The following LZTR1 variants were observed in gnomAD, a reference collection of about 807,000 sequenced individuals.
The protein encoded by LZTR1 is leucine zipper like post translational regulator 1.
LZTR1 carries 260 observed loss-of-function variants against 105.7 expected under a neutral mutation model. The ratio of observed to expected loss-of-function variants is 2.46; its 90% confidence interval spans 2.22 to 2.72. LZTR1 has a LOEUF of 2.72. Ranked by LOEUF, LZTR1 falls within the 30% of genes most tolerant of loss-of-function variation. The pLI is 0.00. For synonymous variants in LZTR1, 490 were observed against 476.4 expected, an observed-to-expected ratio of 1.03 and a Z score of -0.37; for missense variants, 1,214 against 1,166.9, an observed-to-expected ratio of 1.04 and a Z score of -0.59.
At chr22:20,991,589 C>T in intron 8 of LZTR1, 39 bp from the exon 9 acceptor site, 1 of 1,473,906 alleles carries the variant, frequency 6.8e-7, no homozygotes, top group Non-Finnish European at 9.1e-7. Context: ...TGAGCAGGAG[C>T]CCCTGTCCCA....
chr22:20,996,154 G>T (rs1271049814), intron 18 of LZTR1, 42 bp downstream of exon 18: 9 of 1,600,748 alleles, frequency 5.6e-6, no homozygotes, highest in Non-Finnish European at 6.8e-6. Context: ...CCCACCAAGG[G>T]GTCCTGGCAC....
Position 20,992,889 on chromosome 22 carries a change from GA to G in LZTR1, c.1246del (p.Met416CysfsTer45), listed in dbSNP as rs1924657058. ...TGGACAACAACATCCGCAGCGGGGA[GA>G]TGTACAGGTTCCAGGTGTGGGGCCT... Reference protein sequence around the residue: ...TVDNNIRSGEMYRFQFSCYPK... With the variant: ...TVDNNIRSGEXYRFQFSCYPK... On this transcript the variant is annotated frameshift_variant, in exon 11 of 21. Transcript: ENST00000646124. LOFTEE classifies it high-confidence loss of function. 6.2e-7 allele frequency: 1 copy of G among 1,603,630 alleles called. No homozygotes were observed. Among genetic ancestry groups the G allele is most frequent in the Non-Finnish European group, 8.5e-7 (1 of 1,174,312 alleles).
intron 6 of LZTR1, 101 bp downstream of exon 6, chr22:20,988,973 GCCTGGTGGATTTT>G: frequency 9.4e-7 from 1 of 1,058,672 alleles, no homozygotes; most frequent in Non-Finnish European, 1.4e-6. Flanking sequence ...GATTTTGAGT[GCCTGGTGGATTTT>G]GAGTGCCACT....
chr22:20,983,226 A>T, intron 2 of LZTR1, 137 bp downstream of exon 2: 3 of 749,742 alleles, frequency 4.0e-6, no homozygotes, highest in Non-Finnish European at 7.0e-6. Flanking sequence ...CATCTGTGAG[A>T]TTCCTTGCAC....
chr22:20,996,711 C>T lies in LZTR1; in HGVS notation c.2235C>T (p.Ala745=). 1 of 1,613,572 alleles carries T rather than the reference C, an allele frequency of 6.2e-7. No homozygotes were observed. Among genetic ancestry groups the T allele is most frequent in the Non-Finnish European group, 8.5e-7 (1 of 1,179,964 alleles). ...PPEDSLYLFA[A]PYYYGFYNNR... The stretch of plus-strand genomic sequence containing the variant: ...CAGGCCCCAGCTACTTGTTTGCGGC[C>T]CCCTACTACTACGGCTTCTACAACA... Residue 745 remains alanine (A), a synonymous_variant, in exon 19 of 21, where the codon GCC becomes GCT. Transcript: ENST00000646124.
Position 20,995,739 on chromosome 22 carries a change from C to T in LZTR1, c.1943-7C>T, listed in dbSNP as rs747201655. 2 of 1,613,400 alleles carry T rather than the reference C, an allele frequency of 1.2e-6. No individual in the cohort carries two copies. Among genetic ancestry groups the T allele is most frequent in the Admixed American group, 1.7e-5 (1 of 60,020 alleles). ...CTGTACCTGCTCAGGGACCCTCCTA[C>T]CCCCAGGCACATCTCTGATCCAGGA... On this transcript the variant is annotated splice_polypyrimidine_tract_variant and splice_region_variant and intron_variant, in intron 16 of 20. Coordinates refer to ENST00000646124, the MANE Select transcript of LZTR1 (RefSeq NM_006767.4).
In LZTR1 at chr22:20,995,962, G is replaced by A. The variant is rs748538968; in HGVS notation, c.2070-1G>A. On this transcript the variant is annotated splice_acceptor_variant, in intron 17 of 20. Coordinates refer to ENST00000646124, the MANE Select transcript of LZTR1 (RefSeq NM_006767.4). LOFTEE classifies it high-confidence loss of function. ...AGGTGCCTACCGCTCGTTGTCTGCA[G>A]CTACTTTGAAGCCATGTTCCGGTCC... The A allele has an allele frequency of 4.3e-6, 7 of 1,613,598 alleles. No individual in the cohort carries two copies. Among genetic ancestry groups the A allele is most frequent in the African/African-American group, 2.7e-5 (2 of 74,926 alleles).
In LZTR1 at chr22:20,996,792, C is replaced by T. The variant is rs140327903; in HGVS notation, c.2316C>T (p.Asn772=). ...QNLEMNVTVQ[N]VLQILEAADK... is the part of the protein sequence containing the mutation. ...TGGAGATGAACGTGACGGTGCAGAA[C>T]GTGCTGCAGGTAGCCCCCCAGCCCC... Residue 772 remains asparagine, a synonymous_variant, in exon 19 of 21, where the codon AAC becomes AAT. Coordinates refer to ENST00000646124, the MANE Select transcript of LZTR1 (RefSeq NM_006767.4). 194 of 1,613,614 alleles carry T rather than the reference C, an allele frequency of 1.2e-4. No homozygotes were observed. The African/African-American group carries it at 1.7e-3, about 14-fold the overall frequency.
chr22:20,998,722 G>GCAGGCC lies in LZTR1; in HGVS notation c.*1379_*1384dup, dbSNP rs1034407007. 1.3e-5 allele frequency: 2 copies of GCAGGCC among 152,696 alleles called. No homozygotes were observed. The highest frequency in any genetic ancestry group is 2.9e-5 in the Non-Finnish European group (2 of 68,378). 9.5% of individuals were successfully genotyped at this position (152,696 alleles called of 1,614,324 possible). ...GGGAGGCCCTTGAGGTGAGGACACAGCAGGCCCAGGACCATGGCTGGGGAG... is the reference window on the plus strand; with the variant it reads ...GGGAGGCCCTTGAGGTGAGGACACAGCAGGCCCAGGCCCAGGACCATGGCTGGGGAG... On this transcript the variant is annotated 3_prime_UTR_variant, in exon 21 of 21. Transcript: ENST00000646124.
At chr22:20,992,576 A>G in intron 10 of LZTR1, 1 of 664,234 alleles carries the variant, frequency 1.5e-6, no homozygotes. Context: ...AAGTGCCCTG[A>G]CCACTCTGAG....
chr22:20,989,681 A>T lies in LZTR1; in HGVS notation c.650A>T (p.Glu217Val), dbSNP rs755984510. ...GACCGAGAGCTCACCTGCTGGGAGGAGGTGAGGGGCGTGGGGAGCCAGGGC... is the reference window on the plus strand; with the variant it reads ...GACCGAGAGCTCACCTGCTGGGAGGTGGTGAGGGGCGTGGGGAGCCAGGGC... Reference protein sequence around the residue: ...LQDRELTCWEEVAQSGEIPPS... With the variant: ...LQDRELTCWEVVAQSGEIPPS... The change falls in exon 7 of 21, where the codon GAG (glutamate) becomes GTG (valine). Residue 217 changes from glutamate to valine, a missense_variant and splice_region_variant. Physicochemically the swap from Glu to Val is moderately radical, Grantham distance 121 (BLOSUM62 -2). Coordinates refer to ENST00000646124, the MANE Select transcript of LZTR1 (RefSeq NM_006767.4). 8.1e-6 allele frequency: 13 copies of T among 1,604,724 alleles called. No individual in the cohort carries two copies. Among genetic ancestry groups the T allele is most frequent in the Non-Finnish European group, 1.1e-5 (13 of 1,175,004 alleles).
chr22:20,983,650 C>T (rs1029774701), intron 2 of LZTR1, among the ~76,000 whole-genome samples: 5 of 152,174 alleles, frequency 3.3e-5, no homozygotes, highest in African/African-American at 4.8e-5. Context: ...CTCTCAGCCC[C>T]AGGAACTAGC....
At chr22:20,994,785 C>T (rs1308828486) in intron 15 of LZTR1, 58 bp downstream of exon 15, 1 of 1,607,282 alleles carries the variant, frequency 6.2e-7, no homozygotes, top group African/African-American at 1.3e-5. Flanking sequence ...GCTTAGGCCC[C>T]CTCCCTGCCC....
rs967576270 is a variant in LZTR1 at position 20,999,017 on chromosome 22, G to A, written c.*1669G>A. 2.0e-5 allele frequency: 3 copies of A among 152,166 alleles called. No individual in the cohort carries two copies. Among genetic ancestry groups the A allele is most frequent in the Non-Finnish European group, 4.4e-5 (3 of 68,038 alleles). 9.4% of individuals were successfully genotyped at this position (152,166 alleles called of 1,614,324 possible). A position where few individuals can be genotyped will look rare whatever the true frequency, so the allele number is the denominator to read the frequency against. On this transcript the variant is annotated 3_prime_UTR_variant, in exon 21 of 21. Coordinates refer to ENST00000646124, the MANE Select transcript of LZTR1 (RefSeq NM_006767.4). ...TGAATAAATGAAATTACATGCCAAG[G>A]GCCCTAAAAAGCAAATTTTACGAAA...
chr22:20,991,099 A>G, intron 8 of LZTR1: 1 of 162,718 alleles, frequency 6.1e-6, no homozygotes, highest in Non-Finnish European at 1.4e-5. Flanking sequence ...CAGATGGCAT[A>G]GCCCTGCCAG....
intron 8 of LZTR1, chr22:20,991,102 C>T (rs1192466187): frequency 6.1e-6 from 1 of 162,628 alleles, no homozygotes; most frequent in Non-Finnish European, 1.4e-5. Flanking sequence ...ATGGCATAGC[C>T]CTGCCAGGCC....
rs775119454 is a variant in LZTR1 at position 20,994,577 on chromosome 22, G to A, written c.1635G>A (p.Leu545=). 1 of 1,611,224 alleles carries A rather than the reference G, an allele frequency of 6.2e-7. No individual in the cohort carries two copies. Among genetic ancestry groups the A allele is most frequent in the South Asian group, 1.1e-5 (1 of 91,086 alleles). ...GCGCAGGCCATGTGGAGGATGTGCT[G>A]CTCATCATGGATGTGTACAAACTGG... ...YPRKGHVEDV[L]LIMDVYKLAL... The change falls in exon 15 of 21, where the codon CTG becomes CTA. Residue 545 remains leucine (L), a synonymous_variant. Transcript: ENST00000646124.
In LZTR1 at chr22:20,985,860, C is replaced by A. The variant is rs1924363065; in HGVS notation, c.283C>A (p.Leu95Ile). 1 of 1,614,060 alleles carries A rather than the reference C, an allele frequency of 6.2e-7. No individual in the cohort carries two copies. The highest frequency in any genetic ancestry group is 1.7e-5 in the Admixed American group (1 of 60,008). ...TTTCAGGAAGACCATGCTCAATGACCTCCTGCGGTTCGATGTGAAAGACTG... is the reference window on the plus strand; with the variant it reads ...TTTCAGGAAGACCATGCTCAATGACATCCTGCGGTTCGATGTGAAAGACTG... ...GDNGKTMLND[L>I]LRFDVKDCSW... The change falls in exon 3 of 21, where the codon CTC becomes ATC. Residue 95 changes from leucine to isoleucine, a missense_variant. Transcript: ENST00000646124.
rs1924920681 is a variant in LZTR1, at chr22:20,997,651, G to GA, written c.*304dup. On this transcript the variant is annotated 3_prime_UTR_variant, in exon 21 of 21. Transcript: ENST00000646124. ...GATGGGCTCACCACCCAGAAGTGGG[G>GA]AGAGACTTTGGGCCTCCCACCCAGT... 1 of 270,106 alleles carries GA rather than the reference G, an allele frequency of 3.7e-6. No homozygotes were observed. Among genetic ancestry groups the GA allele is most frequent in the Non-Finnish European group, 7.2e-6 (1 of 138,802 alleles). The allele number at this position is 270,106 out of a possible 1,614,324, so 16.7% of individuals were successfully genotyped here.
Sources: allele counts gnomAD v4.1 joint callset (sites outside exome capture counted in the v4.1 genomes callset), GRCh38; gene constraint gnomAD v4.1.1; transcripts MANE v1.5; gene names NCBI Gene and HGNC (gene_info 2026-07-23, HGNC 2026-07-21).